NOP14: variants seen among roughly 807,000 people sequenced by gnomAD.
NOP14 encodes NOP14 nucleolar protein.
Under a neutral mutation model 101.6 loss-of-function variants are expected in NOP14, and 57 were observed. The observed-to-expected ratio is 0.56, with a 90% CI of 0.45 to 0.70. The LOEUF is 0.70. Among genes scored for constraint, NOP14 ranks in the 30% least tolerant of loss-of-function variants. The pLI is 0.00. For missense variants in NOP14, 1,134 were observed against 1,075.5 expected, an observed-to-expected ratio of 1.05 and a Z score of -0.76; for synonymous variants, 428 against 424.0, an observed-to-expected ratio of 1.01 and a Z score of -0.12.
In NOP14 at chr4:2,941,717, C is replaced by G. The variant is rs750723327; in HGVS notation, c.2064G>C (p.Leu688=). The change falls in exon 15 of 18, where the codon CTG becomes CTC. Residue 688 remains leucine (L), a synonymous_variant. Transcript: ENST00000416614. ...GCTTCAGCAGGGCCAGGCCCACAGC[C>G]AGGCAGGACAGTCTGTGAGGGCAGG... ...TEANHIRLSC[L]AVGLALLKRC... is the part of the protein sequence containing the mutation. The G allele has an allele frequency of 6.2e-7, 1 of 1,612,642 alleles. No individual in the cohort carries two copies. The highest frequency in any genetic ancestry group is 1.1e-5 in the South Asian group (1 of 90,552).
intron 15 of NOP14, chr4:2,940,927 GT>G (rs1714126536): frequency 6.5e-6 from 1 of 153,422 alleles, no homozygotes; most frequent in Non-Finnish European, 1.5e-5. Flanking sequence ...GGACGGTCCT[GT>G]GGGGGTAGCT....
intron 12 of NOP14, among the ~76,000 whole-genome samples, chr4:2,944,627 G>C (rs1378045490): frequency 1.3e-5 from 2 of 152,126 alleles, no homozygotes; most frequent in African/African-American, 2.4e-5. Context: ...CACTGGTCTT[G>C]AACTCCCGAC....
intron 1 of NOP14, among the ~76,000 whole-genome samples, chr4:2,960,725 C>CACATTAATATATTAATATTATT (rs1715700082): frequency 9.2e-6 from 1 of 109,004 alleles, no homozygotes; most frequent in African/African-American, 3.8e-5. Context: ...ATATTATAAT[C>CACATTAATATATTAATATTATT]ACATTAATAT....
intron 7 of NOP14, 133 bp downstream of exon 7, chr4:2,950,981 T>A: frequency 1.2e-6 from 1 of 803,482 alleles, no homozygotes; most frequent in Non-Finnish European, 2.0e-6. Context: ...AACACCCAGA[T>A]AAAGAACTTT....
chr4:2,938,762 C>A lies in NOP14; in HGVS notation c.*69G>T. On this transcript the variant is annotated 3_prime_UTR_variant, in exon 18 of 18. Coordinates refer to ENST00000416614, the MANE Select transcript of NOP14 (RefSeq NM_001291978.2). ...GGCTGAAGCAATCTTCCTGCCTTGG[C>A]CTCCCAGAGGGTTGGAATTGCAGAT... 1 of 1,314,834 alleles carries A rather than the reference C, an allele frequency of 7.6e-7. No individual in the cohort carries two copies. Among genetic ancestry groups the A allele is most frequent in the Non-Finnish European group, 1.1e-6 (1 of 922,666 alleles). The allele number at this position is 1,314,834 out of a possible 1,614,324, so 81.4% of individuals were successfully genotyped here.
chr4:2,939,492 C>T (rs1441493958), intron 16 of NOP14, 35 bp downstream of exon 16: 5 of 1,605,594 alleles, frequency 3.1e-6, no homozygotes, highest in Admixed American at 1.7e-5. Flanking sequence ...GAGCCCACAG[C>T]CCTGGCCTCC....
At chr4:2,959,052 T>G (rs1052637076) in intron 1 of NOP14, among the ~76,000 whole-genome samples, 2 of 152,182 alleles carry the variant, frequency 1.3e-5, no homozygotes, top group Non-Finnish European at 2.9e-5. Flanking sequence ...GAAAAAACCA[T>G]TTCTCTTATC....
rs1714245011 is a variant in NOP14, at chr4:2,942,095, G to T, written c.2051+97C>A. 4 of 1,299,522 alleles carry T rather than the reference G, an allele frequency of 3.1e-6. No individual in the cohort carries two copies. The South Asian group carries it at 4.5e-5, about 15-fold the overall frequency. 80.5% of individuals were successfully genotyped at this position (1,299,522 alleles called of 1,614,324 possible). On this transcript the variant is annotated intron_variant, in intron 14 of 17. Coordinates refer to ENST00000416614, the MANE Select transcript of NOP14 (RefSeq NM_001291978.2). Reference sequence around the variant, plus strand: ...ATCAAACCAAACGGCCGGGCGGCAAGTTCACTAAGAACAGCACATCAGAAA... The same window carrying T: ...ATCAAACCAAACGGCCGGGCGGCAATTTCACTAAGAACAGCACATCAGAAA...
intron 2 of NOP14, 121 bp downstream of exon 2, chr4:2,957,485 C>G (rs1242330882): frequency 6.8e-6 from 8 of 1,178,710 alleles, no homozygotes; most frequent in Non-Finnish European, 8.5e-6. Context: ...GATTCGAGGG[C>G]TATCCCCTGG....
chr4:2,961,238 A>T (rs1297122122), intron 1 of NOP14: 5 of 146,354 alleles, frequency 3.4e-5, no homozygotes, highest in African/African-American at 1.0e-4. Context: ...TTAGTATATT[A>T]ATATATAGTA....
Position 2,941,748 on chromosome 4 carries a change from A to G in NOP14, c.2052-19T>C. 6.2e-7 allele frequency: 1 copy of G among 1,608,870 alleles called. No homozygotes were observed. The highest frequency in any genetic ancestry group is 8.5e-7 in the Non-Finnish European group (1 of 1,178,262). On this transcript the variant is annotated intron_variant, in intron 14 of 17. Transcript: ENST00000416614. Reference sequence around the variant, plus strand: ...GGACAGTCTGTGAGGGCAGGAGGCAAGAGGAGGTCCAACTTGTTCTGTTTG... The same window carrying G: ...GGACAGTCTGTGAGGGCAGGAGGCAGGAGGAGGTCCAACTTGTTCTGTTTG...
At chr4:2,946,341 G>A (rs544769635) in intron 11 of NOP14, 71 bp downstream of exon 11, 12 of 1,569,140 alleles carry the variant, frequency 7.6e-6, no homozygotes, top group Admixed American at 3.4e-5. Flanking sequence ...CATCGTACCC[G>A]TCGTCCACCT....
chr4:2,956,786 T>C lies in NOP14; in HGVS notation c.356A>G (p.Tyr119Cys), dbSNP rs748830879. ...QQRHHEKKSI[Y>C]NLNEDEELTH... ...CAATTCTTCATCTTCATTTAGATTG[T>C]AGATGCTTTTTTTCTCATGATGTCG... The change falls in exon 3 of 18, where the codon TAC becomes TGC. Residue 119 changes from tyrosine (Y) to cysteine (C), a missense_variant. Physicochemically the swap from Tyr to Cys is radical, Grantham distance 194. Coordinates refer to ENST00000416614, the MANE Select transcript of NOP14 (RefSeq NM_001291978.2). 255 of 1,606,888 alleles carry C rather than the reference T, an allele frequency of 1.6e-4. No individual in the cohort carries two copies. The highest frequency in any genetic ancestry group is 2.1e-4 in the Non-Finnish European group (251 of 1,178,284).
At chr4:2,939,053 G>T in intron 17 of NOP14, 123 bp from the exon 18 acceptor site, 1 of 1,497,146 alleles carries the variant, frequency 6.7e-7, no homozygotes, top group Non-Finnish European at 9.3e-7. Flanking sequence ...ACAGGGGGAA[G>T]TGAACCTGCC....
At position 2,938,915 on chromosome 4, in the gene NOP14, C is replaced by G; in HGVS notation, c.2490G>C (p.Lys830Asn). 1 of 1,614,138 alleles carries G rather than the reference C, an allele frequency of 6.2e-7. No individual in the cohort carries two copies. The highest frequency in any genetic ancestry group is 8.5e-7 in the Non-Finnish European group (1 of 1,179,976). The change falls in exon 18 of 18, where the codon AAG becomes AAC. Residue 830 changes from lysine to asparagine, a missense_variant. Lys to Asn is a moderately conservative substitution (Grantham distance 94). Coordinates refer to ENST00000416614, the MANE Select transcript of NOP14 (RefSeq NM_001291978.2). ...SEIMERDAER[K>N]RKVKQLFNSL... ...TGTTAAAAAGCTGCTTTACTTTCCGCTTTCTTTCCGCATCCCTAAAAGAAA... is the reference window on the plus strand; with the variant it reads ...TGTTAAAAAGCTGCTTTACTTTCCGGTTTCTTTCCGCATCCCTAAAAGAAA...
rs370725909 is a variant in NOP14 at position 2,947,787 on chromosome 4, C to G, written c.1414-176G>C. On this transcript the variant is annotated intron_variant, in intron 9 of 17. Transcript: ENST00000416614. The stretch of plus-strand genomic sequence containing the variant: ...TAAGCAAATACACTGCTAGAACTTG[C>G]TAAGCACTAGAAGGTGTAGGGGGGA... 2.9e-4 allele frequency: 181 copies of G among 622,272 alleles called. 1 individual carries two copies. In the East Asian group the frequency reaches 4.9e-3, roughly 17 times the overall value. The allele number at this position is 622,272 out of a possible 1,614,324, so 38.5% of individuals were successfully genotyped here.
chr4:2,957,054 T>C (rs996814189), intron 2 of NOP14, among the ~76,000 whole-genome samples: 2 of 151,908 alleles, frequency 1.3e-5, no homozygotes, highest in African/African-American at 4.8e-5. Flanking sequence ...CAGGCTGGAG[T>C]GCGGTAGAGT....
In NOP14 at chr4:2,938,389, A is replaced by C. The variant is rs188147750; in HGVS notation, c.*442T>G. 5 of 392,450 alleles carry C rather than the reference A, an allele frequency of 1.3e-5. No individual in the cohort carries two copies. Among genetic ancestry groups the C allele is most frequent in the African/African-American group, 4.3e-5 (2 of 46,844 alleles). 24.3% of individuals were successfully genotyped at this position (392,450 alleles called of 1,614,324 possible). ...TACAAAATTAGCTGGGCGTGGTGGC[A>C]CATGTCTGTAATCCCAGCTACTCGG... On this transcript the variant is annotated 3_prime_UTR_variant, in exon 18 of 18. Transcript: ENST00000416614.
At position 2,939,297 on chromosome 4, in the gene NOP14, T is replaced by G. The variant is rs534516517; in HGVS notation, c.2365A>C (p.Arg789=). ...KQGSSKEEQE[R]KRLIHKHKRE... ...TTGTGTTTGTGGATCAGCCTCTTCC[T>G]TTCCTGTTCCTCCTTACTACTGCCT... The change falls in exon 17 of 18, where the codon AGG becomes CGG. Residue 789 remains arginine (R), a synonymous_variant. Coordinates refer to ENST00000416614, the MANE Select transcript of NOP14 (RefSeq NM_001291978.2). 47 of 1,614,072 alleles carry G rather than the reference T, an allele frequency of 2.9e-5. No homozygotes were observed. The South Asian group carries it at 4.9e-4, about 17-fold the overall frequency.
Sources: gnomAD v4.1 joint callset for allele counts (sites outside exome capture counted in the v4.1 genomes callset) on GRCh38, gnomAD v4.1.1 for gene constraint, MANE v1.5 for transcripts, NCBI Gene and HGNC (gene_info 2026-07-23, HGNC 2026-07-21) for gene names.